LRRC37A2: variants seen among roughly 807,000 people sequenced by gnomAD.
LRRC37A2 encodes the protein leucine-rich repeat-containing protein 37A2.
In LRRC37A2, 9 loss-of-function variants were observed where a neutral mutation model predicts 68.8. The ratio of observed to expected loss-of-function variants is 0.13; its 90% CI spans 0.08 to 0.23. LRRC37A2 has a LOEUF of 0.23. Ranked by LOEUF, LRRC37A2 falls within the 10% of genes least tolerant of loss-of-function variation. The pLI, the probability that LRRC37A2 is intolerant of heterozygous loss-of-function variation, is 1.00. For missense variants in LRRC37A2, 168 were observed against 950.4 expected (o/e 0.18, Z 10.82); for synonymous variants, 63 against 367.6 (o/e 0.17, Z 9.48).
At chr17:46,516,101 C>G (rs1380767041) in intron 2 of LRRC37A2, among the ~76,000 whole-genome samples, 4 of 144,942 alleles carry the variant, frequency 2.8e-5, no homozygotes, top group African/African-American at 1.1e-4. Context: ...GAGATCAAGA[C>G]CATCCTGGCT....
At chr17:46,836,659 T>C in the LRRC37A2 span, among the ~76,000 whole-genome samples, 3 of 152,204 alleles carry the variant, frequency 2.0e-5, no homozygotes, top group African/African-American at 7.2e-5. Context: ...GGGAAATTCA[T>C]TGATAAAATG....
At chr17:46,418,205 GTGTGTGTGTT>G in the LRRC37A2 span, among the ~76,000 whole-genome samples, 3 of 52,614 alleles carry the variant, frequency 5.7e-5, no homozygotes, top group African/African-American at 7.4e-5. Context: ...GTGTGTGTGT[GTGTGTGTGTT>G]TGTGTGTGTG....
chr17:46,827,976 AT>A, the LRRC37A2 span, among the ~76,000 whole-genome samples: 1 of 149,960 alleles, frequency 6.7e-6, no homozygotes, highest in Non-Finnish European at 1.5e-5. Flanking sequence ...CGCCCAGCTG[AT>A]TTTTTTTTAT....
chr17:46,749,141 G>T, the LRRC37A2 span, among the ~76,000 whole-genome samples: 1 of 152,150 alleles, frequency 6.6e-6, no homozygotes, highest in Non-Finnish European at 1.5e-5. Context: ...GTAAATATAA[G>T]AAGAAAAGCC....
At chr17:46,711,888 C>G in the LRRC37A2 span, among the ~76,000 whole-genome samples, 2 of 152,014 alleles carry the variant, frequency 1.3e-5, no homozygotes, top group Non-Finnish European at 2.9e-5. Flanking sequence ...AAGTCCTGGG[C>G]AGGAAGGAGC....
At chr17:47,000,063 T>TAAAATAAAATAAAATAAAATAAAA in the LRRC37A2 span, among the ~76,000 whole-genome samples, 1 of 17,734 alleles carries the variant, frequency 5.6e-5, no homozygotes, top group African/African-American at 1.2e-4. Flanking sequence ...TAAAATAAAA[T>TAAAATAAAATAAAATAAAATAAAA]TAAAATAAAA....
chr17:46,620,316 T>TC, the LRRC37A2 span, among the ~76,000 whole-genome samples: 1 of 8,164 alleles, frequency 1.2e-4, no homozygotes, highest in Non-Finnish European at 2.1e-4. Flanking sequence ...TCTCGCTCTC[T>TC]TTTTTTTTTT....
chr17:46,409,345 G>A, the LRRC37A2 span, among the ~76,000 whole-genome samples: 2 of 144,398 alleles, frequency 1.4e-5, no homozygotes, highest in Non-Finnish European at 3.0e-5. Context: ...GACCCAGGCT[G>A]GAGTGCAGTG....
chr17:46,986,037 G>C, the LRRC37A2 span, among the ~76,000 whole-genome samples: 131 of 152,244 alleles, frequency 8.6e-4, no homozygotes, highest in Non-Finnish European at 1.5e-3. Context: ...TGCGAGGTCT[G>C]CAACAGAGTA....
In LRRC37A2 at chr17:46,521,228, G is replaced by A. The variant is rs990442485; in HGVS notation, c.2753+945G>A. Among the ~76,000 whole-genome samples the A allele has an allele frequency of 1.4e-4, 8 of 58,810 alleles. No homozygotes were observed. In the East Asian group the frequency reaches 2.2e-3, roughly 16 times the overall value. 38.6% of individuals were successfully genotyped at this position (58,810 alleles called of 152,430 possible). ...TATGAATGCTTGATTCTTACCCTTT[G>A]TCCATAGAGGTGTGTATGTCATTAA... On this transcript the variant is annotated intron_variant, in intron 4 of 14. Transcript: ENST00000576629.
the LRRC37A2 span, among the ~76,000 whole-genome samples, chr17:46,977,992 G>T: frequency 6.6e-6 from 1 of 152,224 alleles, no homozygotes; most frequent in African/African-American, 2.4e-5. Context: ...GCCTTTCCTC[G>T]CTCTGGCCTC....
the LRRC37A2 span, among the ~76,000 whole-genome samples, chr17:46,951,261 C>T: frequency 6.6e-6 from 1 of 152,154 alleles, no homozygotes; most frequent in African/African-American, 2.4e-5. Flanking sequence ...GCCCGCTGGC[C>T]GCCCACAGTG....
the LRRC37A2 span, among the ~76,000 whole-genome samples, chr17:46,871,285 T>C: frequency 6.6e-6 from 1 of 152,128 alleles, no homozygotes; most frequent in Non-Finnish European, 1.5e-5. Flanking sequence ...GGTCCTGGAA[T>C]GATGTATATT....
chr17:46,839,369 C>T, the LRRC37A2 span, among the ~76,000 whole-genome samples: 30 of 152,322 alleles, frequency 2.0e-4, no homozygotes, highest in South Asian at 6.2e-4. Flanking sequence ...TAGCCCCTGG[C>T]GGGTCCAGGC....
At chr17:46,750,021 C>A in the LRRC37A2 span, 1 of 1,213,066 alleles carries the variant, frequency 8.2e-7, no homozygotes, top group Non-Finnish European at 1.2e-6. Context: ...GAACATGGGA[C>A]CCGGGGATAT....
At chr17:46,499,006 T>C in the LRRC37A2 span, among the ~76,000 whole-genome samples, 1 of 150,150 alleles carries the variant, frequency 6.7e-6, no homozygotes, top group Non-Finnish European at 1.5e-5. Flanking sequence ...CTTAGCACAA[T>C]GTCTGGCAAA....
At chr17:46,892,601 C>T in the LRRC37A2 span, among the ~76,000 whole-genome samples, 1 of 152,230 alleles carries the variant, frequency 6.6e-6, no homozygotes. Flanking sequence ...TCTCTCTCCC[C>T]ACACTGGACT....
chr17:46,965,267 A>G, the LRRC37A2 span, among the ~76,000 whole-genome samples: 1 of 151,872 alleles, frequency 6.6e-6, no homozygotes, highest in Admixed American at 6.6e-5. Flanking sequence ...GTGCATCTCA[A>G]CCTCCCATGG....
At chr17:46,874,417 G>A in the LRRC37A2 span, among the ~76,000 whole-genome samples, 1 of 152,172 alleles carries the variant, frequency 6.6e-6, no homozygotes, top group African/African-American at 2.4e-5. Context: ...GGCAGGTTTA[G>A]CCCCAACTGT....
Sources: gnomAD v4.1 joint callset for allele counts (sites outside exome capture counted in the v4.1 genomes callset) on GRCh38, gnomAD v4.1.1 for gene constraint, MANE v1.5 for transcripts, NCBI Gene and HGNC (gene_info 2026-07-23, HGNC 2026-07-21) for gene names.